NCKAP5: variants seen among roughly 807,000 people sequenced by gnomAD.
NCKAP5 encodes the protein NCK associated protein 5.
In NCKAP5, 92 loss-of-function variants were observed where a neutral mutation model predicts 167.0. The observed-to-expected ratio is 0.55, with a 90% CI of 0.47 to 0.66. The LOEUF (loss-of-function observed/expected upper bound fraction) is 0.66. Among genes scored for constraint, NCKAP5 ranks in the 30% least tolerant of loss-of-function variants. The pLI is 0.00. For synonymous variants in NCKAP5, 891 were observed against 877.4 expected, an observed-to-expected ratio of 1.02 and a Z score of -0.27; for missense variants, 2,378 against 2,315.0, an observed-to-expected ratio of 1.03 and a Z score of -0.56.
intron 5 of NCKAP5, among the ~76,000 whole-genome samples, chr2:133,136,440 C>T (rs775340535): frequency 4.6e-5 from 7 of 152,184 alleles, no homozygotes; most frequent in Admixed American, 1.3e-4. Flanking sequence ...ACAAGAGGCA[C>T]GTCCCACATA....
In NCKAP5 at chr2:132,755,129, G is replaced by C. The variant is rs542939484; in HGVS notation, c.5128+18687C>G. On this transcript the variant is annotated intron_variant, in intron 16 of 19. Coordinates refer to ENST00000409261, the MANE Select transcript of NCKAP5 (RefSeq NM_207363.3). ...GGAGCAGCTAGCATTTTTCCCATTA[G>C]CTCCTTCTTACTGGCTGGAACCTAA... Among the ~76,000 whole-genome samples, 5 of 152,324 alleles carry C rather than the reference G, an allele frequency of 3.3e-5. No homozygotes were observed. The South Asian group carries it at 1.0e-3, about 32-fold the overall frequency.
chr2:133,332,973 G>A (rs1682964366), intron 3 of NCKAP5, among the ~76,000 whole-genome samples: 1 of 152,214 alleles, frequency 6.6e-6, no homozygotes, highest in South Asian at 2.1e-4. Flanking sequence ...CTCTCTGGAG[G>A]GAAAATTCTG....
intron 6 of NCKAP5, among the ~76,000 whole-genome samples, chr2:133,033,917 G>T (rs1010674065): frequency 6.6e-6 from 1 of 152,060 alleles, no homozygotes; most frequent in Non-Finnish European, 1.5e-5. Context: ...TGGCCTTAAA[G>T]AAGAGGTAGA....
chr2:133,417,819 G>A (rs754653180), intron 3 of NCKAP5, among the ~76,000 whole-genome samples: 2 of 152,162 alleles, frequency 1.3e-5, no homozygotes, highest in Non-Finnish European at 2.9e-5. Flanking sequence ...CTATTATGTC[G>A]TGAATGTGAC....
At chr2:132,968,204 G>T (rs888598280) in intron 7 of NCKAP5, among the ~76,000 whole-genome samples, 2 of 152,230 alleles carry the variant, frequency 1.3e-5, no homozygotes, top group African/African-American at 4.8e-5. Flanking sequence ...CTGAAGTCTA[G>T]ACGTAGGGGA....
intron 3 of NCKAP5, among the ~76,000 whole-genome samples, chr2:133,404,312 T>TA (rs1688287407): frequency 6.6e-6 from 1 of 152,206 alleles, no homozygotes; most frequent in Admixed American, 6.5e-5. Context: ...AAAACTTTGT[T>TA]ATAGTAGTCC....
intron 6 of NCKAP5, among the ~76,000 whole-genome samples, chr2:133,008,969 C>T (rs970705575): frequency 6.6e-6 from 1 of 152,174 alleles, no homozygotes; most frequent in Non-Finnish European, 1.5e-5. Flanking sequence ...CATCATGCAT[C>T]CTCCAGGTTC....
chr2:133,214,871 T>A (rs1051637172), intron 4 of NCKAP5, among the ~76,000 whole-genome samples: 1 of 152,150 alleles, frequency 6.6e-6, no homozygotes, highest in African/African-American at 2.4e-5. Context: ...TGCAGTTCAA[T>A]CCCCAGAAAA....
chr2:133,514,399 A>T (rs1312552993), intron 3 of NCKAP5, among the ~76,000 whole-genome samples: 1 of 152,168 alleles, frequency 6.6e-6, no homozygotes, highest in Non-Finnish European at 1.5e-5. Context: ...GTGACTAAGG[A>T]CCACAAACTT....
At position 133,179,912 on chromosome 2, in the gene NCKAP5, GAA is replaced by G. The variant is rs549959625; in HGVS notation, c.207+33802_207+33803del. Among the ~76,000 whole-genome samples, 103 of 151,934 alleles carry G rather than the reference GAA, an allele frequency of 6.8e-4. 1 individual carries two copies. The highest frequency in any genetic ancestry group is 2.3e-3 in the African/African-American group (97 of 41,406). On this transcript the variant is annotated intron_variant, in intron 5 of 19. Coordinates refer to ENST00000409261, the MANE Select transcript of NCKAP5 (RefSeq NM_207363.3). ...GTTTTTGAGGAAGAGAAAAGAGACT[GAA>G]AAAGAATTCAAAGAAAGAATAGATA...
chr2:133,475,872 T>C (rs1679837480), intron 3 of NCKAP5, among the ~76,000 whole-genome samples: 1 of 152,214 alleles, frequency 6.6e-6, no homozygotes, highest in South Asian at 2.1e-4. Context: ...ATACATGCAA[T>C]TAATCACAGC....
chr2:132,984,287 C>G (rs1247003438), intron 7 of NCKAP5, among the ~76,000 whole-genome samples: 1 of 152,136 alleles, frequency 6.6e-6, no homozygotes, highest in African/African-American at 2.4e-5. Context: ...GGGTTGAGGC[C>G]CAGGTGGGTT....
intron 1 of NCKAP5, among the ~76,000 whole-genome samples, chr2:133,562,462 T>C (rs1191514722): frequency 2.0e-5 from 3 of 152,232 alleles, no homozygotes; most frequent in Admixed American, 1.3e-4. Context: ...GGATCAGTTC[T>C]ATGTTTCTAG....
At chr2:133,286,880 G>A (rs1375074291) in intron 4 of NCKAP5, among the ~76,000 whole-genome samples, 1 of 152,210 alleles carries the variant, frequency 6.6e-6, no homozygotes, top group Non-Finnish European at 1.5e-5. Flanking sequence ...GATGTTATAA[G>A]TGGAGCTACT....
At chr2:133,448,775 G>A (rs913437748) in intron 3 of NCKAP5, among the ~76,000 whole-genome samples, 1 of 152,078 alleles carries the variant, frequency 6.6e-6, no homozygotes, top group South Asian at 2.1e-4. Context: ...GAGTAGCTGG[G>A]ACTACAGGTG....
the NCKAP5 span, among the ~76,000 whole-genome samples, chr2:133,646,614 CA>C: frequency 6.6e-6 from 1 of 151,736 alleles, no homozygotes; most frequent in Non-Finnish European, 1.5e-5. Flanking sequence ...CAGGTTAAAA[CA>C]AAAAAACCCT....
chr2:133,500,009 G>C (rs1682351061), intron 3 of NCKAP5, among the ~76,000 whole-genome samples: 1 of 152,016 alleles, frequency 6.6e-6, no homozygotes, highest in African/African-American at 2.4e-5. Context: ...GTCTGGGCTT[G>C]ATTACCTAGA....
At chr2:133,635,998 G>T in the NCKAP5 span, among the ~76,000 whole-genome samples, 1 of 152,180 alleles carries the variant, frequency 6.6e-6, no homozygotes, top group Admixed American at 6.5e-5. Flanking sequence ...TGATATTAAT[G>T]AATAATTTTG....
At chr2:133,322,390 G>A (rs1390884594) in intron 3 of NCKAP5, among the ~76,000 whole-genome samples, 5 of 152,200 alleles carry the variant, frequency 3.3e-5, no homozygotes, top group Non-Finnish European at 5.9e-5. Flanking sequence ...AGCTTAGAGA[G>A]TGAGCTTGTG....
Sources: gnomAD v4.1 joint callset for allele counts (sites outside exome capture counted in the v4.1 genomes callset) on GRCh38, gnomAD v4.1.1 for gene constraint, MANE v1.5 for transcripts, NCBI Gene and HGNC (gene_info 2026-07-23, HGNC 2026-07-21) for gene names.